Variants in NCBP1 observed in about 807,000 individuals in gnomAD.
NCBP1 encodes nuclear cap-binding protein subunit 1.
A neutral mutation model predicts 111.7 loss-of-function variants in NCBP1; 16 were observed. The ratio of observed to expected loss-of-function variants is 0.14; its 90% CI spans 0.10 to 0.22. The LOEUF (loss-of-function observed/expected upper bound fraction) is 0.22, where lower values mean the gene tolerates loss of function less well. Among genes scored for constraint, NCBP1 ranks in the 10% least tolerant of loss-of-function variants. The pLI is 1.00. For synonymous variants in NCBP1, 304 were observed against 314.3 expected (o/e 0.97, Z 0.35); for missense variants, 607 against 957.5 (o/e 0.63, Z 4.83).
chr9:97,643,382 T>C, intron 4 of NCBP1, 22 bp downstream of exon 4: 1 of 1,575,630 alleles, frequency 6.3e-7, no homozygotes, highest in African/African-American at 1.4e-5. Flanking sequence ...TGTTTGTTGG[T>C]ATGTTATGAC....
intron 1 of NCBP1, among the ~76,000 whole-genome samples, chr9:97,635,191 A>G (rs764913918): frequency 9.9e-5 from 15 of 152,206 alleles, no homozygotes; most frequent in Non-Finnish European, 2.1e-4. Flanking sequence ...TTGAGAGGAT[A>G]TTCTAGTCCA....
chr9:97,665,590 G>A (rs1827970899), intron 19 of NCBP1, among the ~76,000 whole-genome samples: 1 of 152,200 alleles, frequency 6.6e-6, no homozygotes, highest in Admixed American at 6.5e-5. Flanking sequence ...CAGAGTTAAA[G>A]TGCTCTGCTC....
At chr9:97,643,619 C>T (rs1376389325) in intron 4 of NCBP1, among the ~76,000 whole-genome samples, 1 of 152,016 alleles carries the variant, frequency 6.6e-6, no homozygotes, top group Non-Finnish European at 1.5e-5. Flanking sequence ...ATTAATGCAT[C>T]ATTCATACCT....
At chr9:97,641,522 C>A in intron 2 of NCBP1, 40 bp from the exon 3 acceptor site, 1 of 1,432,104 alleles carries the variant, frequency 7.0e-7, no homozygotes. Flanking sequence ...ATTTATGTTG[C>A]TGAGTACTTG....
intron 20 of NCBP1, 58 bp downstream of exon 20, chr9:97,666,935 G>T: frequency 8.3e-7 from 1 of 1,210,342 alleles, no homozygotes; most frequent in Non-Finnish European, 1.2e-6. Flanking sequence ...ACTCTGGAGA[G>T]GATTCAGAGT....
intron 22 of NCBP1, 73 bp from the exon 23 acceptor site, chr9:97,671,013 C>A: frequency 2.0e-6 from 2 of 989,952 alleles, no homozygotes; most frequent in Non-Finnish European, 3.1e-6. Flanking sequence ...GGGTGGGCTG[C>A]TGAAGGAAAT....
intron 20 of NCBP1, among the ~76,000 whole-genome samples, chr9:97,667,417 T>TA (rs1828041437): frequency 6.6e-6 from 1 of 152,014 alleles, no homozygotes; most frequent in Non-Finnish European, 1.5e-5. Context: ...TAGTAGAAGG[T>TA]GAAAAAAAGT....
intron 8 of NCBP1, among the ~76,000 whole-genome samples, 183 bp from the exon 9 acceptor site, chr9:97,650,320 T>C (rs1827465574): frequency 6.6e-6 from 1 of 152,200 alleles, no homozygotes; most frequent in Non-Finnish European, 1.5e-5. Flanking sequence ...CAGCTGATAC[T>C]CTGGGGTATA....
intron 1 of NCBP1, among the ~76,000 whole-genome samples, chr9:97,638,002 A>G (rs546129735): frequency 2.0e-5 from 3 of 152,250 alleles, no homozygotes; most frequent in Admixed American, 6.5e-5. Flanking sequence ...AAACTTTTAC[A>G]TAGTTAAATT....
chr9:97,663,024 G>A lies in NCBP1; in HGVS notation c.1774G>A (p.Glu592Lys). Reference protein sequence around the residue: ...GKLHVLRVMFEVWRNHPQMIA... With the variant: ...GKLHVLRVMFKVWRNHPQMIA... ...GTTACATGTGCTAAGAGTTATGTTTGAGGTCTGGAGGAACCATCCACAGGT... is the reference window on the plus strand; with the variant it reads ...GTTACATGTGCTAAGAGTTATGTTTAAGGTCTGGAGGAACCATCCACAGGT... The change falls in exon 18 of 23, where the codon GAG (glutamate) becomes AAG (lysine). Residue 592 changes from glutamate to lysine, a missense_variant. Transcript: ENST00000375147. 1 of 1,612,446 alleles carries A rather than the reference G, an allele frequency of 6.2e-7. No homozygotes were observed. Among genetic ancestry groups the A allele is most frequent in the Non-Finnish European group, 8.5e-7 (1 of 1,179,280 alleles).
intron 2 of NCBP1, among the ~76,000 whole-genome samples, chr9:97,641,249 T>C (rs1053345099): frequency 2.6e-5 from 4 of 152,086 alleles, no homozygotes; most frequent in Non-Finnish European, 5.9e-5. Context: ...CTAATACTTA[T>C]TCTGTTATCA....
In NCBP1 at chr9:97,653,919, C is replaced by T. The variant is rs1196672652; in HGVS notation, c.1170+11C>T. 1.3e-6 allele frequency: 2 copies of T among 1,587,228 alleles called. No individual in the cohort carries two copies. Among genetic ancestry groups the T allele is most frequent in the Non-Finnish European group, 1.7e-6 (2 of 1,158,884 alleles). ...TCTCTACCCCAAGTTGTATCCTTTT[C>T]TTTATTTTTAAACTTAATCTCTTTG... is the stretch of plus-strand genomic sequence containing the variant. On this transcript the variant is annotated intron_variant, in intron 11 of 22. Coordinates refer to ENST00000375147, the MANE Select transcript of NCBP1 (RefSeq NM_002486.5).
chr9:97,665,981 T>C (rs1415635100), intron 19 of NCBP1, among the ~76,000 whole-genome samples: 1 of 152,152 alleles, frequency 6.6e-6, no homozygotes, highest in African/African-American at 2.4e-5. Flanking sequence ...TATCTTCACA[T>C]TGAGTAGGCT....
intron 15 of NCBP1, among the ~76,000 whole-genome samples, chr9:97,659,953 T>C (rs1004576064): frequency 2.6e-5 from 4 of 152,204 alleles, no homozygotes; most frequent in Admixed American, 6.5e-5. Flanking sequence ...ACTTTGCCAT[T>C]ACCCCAGTCT....
At chr9:97,662,009 C>A (rs1426987600) in intron 16 of NCBP1, 33 bp from the exon 17 acceptor site, 9 of 1,517,092 alleles carry the variant, frequency 5.9e-6, no homozygotes, top group Non-Finnish European at 5.5e-6. Flanking sequence ...GCTGTGCTTA[C>A]ATTTTTCTGT....
At chr9:97,635,009 G>T (rs1260545463) in intron 1 of NCBP1, among the ~76,000 whole-genome samples, 1 of 152,184 alleles carries the variant, frequency 6.6e-6, no homozygotes, top group Non-Finnish European at 1.5e-5. Flanking sequence ...GGCGGTAAAC[G>T]TTAGCAGATG....
chr9:97,641,472 A>T, intron 2 of NCBP1, 90 bp from the exon 3 acceptor site: 1 of 965,052 alleles, frequency 1.0e-6, no homozygotes, highest in Non-Finnish European at 1.4e-6. Context: ...AGATTTTAAA[A>T]TATGTATATA....
At chr9:97,653,195 A>C (rs1448272579) in intron 10 of NCBP1, among the ~76,000 whole-genome samples, 1 of 146,702 alleles carries the variant, frequency 6.8e-6, no homozygotes, top group East Asian at 2.0e-4. Flanking sequence ...ACCTCAACTC[A>C]GTGCAACCTC....
chr9:97,647,110 C>G (rs1041633322), intron 6 of NCBP1, among the ~76,000 whole-genome samples: 3 of 151,982 alleles, frequency 2.0e-5, no homozygotes, highest in Non-Finnish European at 4.4e-5. Flanking sequence ...CTCTTATAAA[C>G]AATGTTTCAG....
Sources: allele counts gnomAD v4.1 joint callset (sites outside exome capture counted in the v4.1 genomes callset), GRCh38; gene constraint gnomAD v4.1.1; transcripts MANE v1.5; gene names NCBI Gene and HGNC (gene_info 2026-07-23, HGNC 2026-07-21).